Variants in ZNF497 observed in about 807,000 individuals in gnomAD.
ZNF497 encodes zinc finger-like protein.
For missense variants in ZNF497, 930 were observed against 714.0 expected, an observed-to-expected ratio of 1.30 and a Z score of -3.45; for synonymous variants, 422 against 313.7, an observed-to-expected ratio of 1.35 and a Z score of -3.65.
intron 1 of ZNF497, 47 bp from the exon 2 acceptor site, chr19:58,358,632 A>G: frequency 1.0e-6 from 1 of 993,084 alleles, no homozygotes; most frequent in Non-Finnish European, 1.3e-6. Context: ...TCAGCCTAGC[A>G]GATCTGAGAA....
intron 2 of ZNF497, chr19:58,357,945 C>T: frequency 7.6e-7 from 1 of 1,320,062 alleles, no homozygotes; most frequent in Non-Finnish European, 9.7e-7. Context: ...CAAAGTTGCC[C>T]ACGCACCTGC....
Position 58,357,023 on chromosome 19 carries a change from G to A in ZNF497, c.613C>T (p.Leu205=). The change falls in exon 3 of 3, where the codon CTG becomes TTG. Residue 205 remains leucine, a synonymous_variant. Transcript: ENST00000311044. ...GTGTGCGTGCGTCGGTGCTGCACCA[G>A]CGTGGTGCTTCGGCCGAAGGACTTG... ...CGKSFGRSTT[L]VQHRRTHTGE... The A allele has an allele frequency of 6.2e-7, 1 of 1,609,866 alleles. No individual in the cohort carries two copies. Among genetic ancestry groups the A allele is most frequent in the Non-Finnish European group, 8.5e-7 (1 of 1,179,114 alleles).
Position 58,355,696 on chromosome 19 carries a change from T to G in ZNF497, c.*443A>C, listed in dbSNP as rs2052009462. 6.2e-6 allele frequency: 1 copy of G among 162,516 alleles called. No individual in the cohort carries two copies. Among genetic ancestry groups the G allele is most frequent in the African/African-American group, 2.4e-5 (1 of 41,752 alleles). 10.1% of individuals were successfully genotyped at this position (162,516 alleles called of 1,614,324 possible). ...TCACCTGTGGTTGCCTGAGATGAAG[T>G]GCTGACTGAAGCGAGCACCTTAGGA... On this transcript the variant is annotated 3_prime_UTR_variant, in exon 3 of 3. Transcript: ENST00000311044.
At position 58,356,986 on chromosome 19, in the gene ZNF497, G is replaced by C; in HGVS notation, c.650C>G (p.Pro217Arg). 1 of 1,608,652 alleles carries C rather than the reference G, an allele frequency of 6.2e-7. No homozygotes were observed. Among genetic ancestry groups the C allele is most frequent in the South Asian group, 1.1e-5 (1 of 90,832 alleles). Reference protein sequence around the residue: ...QHRRTHTGEKPYECPECGKAF... With the variant: ...QHRRTHTGEKRYECPECGKAF... ...CTTGCCGCACTCCGGGCACTCGTAG[G>C]GCTTCTCGCCCGTGTGCGTGCGTCG... The change falls in exon 3 of 3, where the codon CCC becomes CGC. Residue 217 changes from proline to arginine, a missense_variant. By Grantham distance (103) the Pro-to-Arg change is moderately radical. Coordinates refer to ENST00000311044, the MANE Select transcript of ZNF497 (RefSeq NM_198458.3).
rs556449723 is a variant in ZNF497, at chr19:58,356,403, C to T, written c.1233G>A (p.Glu411=). The change falls in exon 3 of 3, where the codon GAG becomes GAA. Residue 411 remains glutamate (E), a synonymous_variant. Coordinates refer to ENST00000311044, the MANE Select transcript of ZNF497 (RefSeq NM_198458.3). ...CGCATTCTGCGCAGGCGAAGGGTCG[C>T]TCTCCCGTGTGCGAAAGCCGGTGGT... The part of the protein sequence containing the change: ...LAHHRLSHTG[E]RPFACAECGK... 11 of 1,565,636 alleles carry T rather than the reference C, an allele frequency of 7.0e-6. No individual in the cohort carries two copies. The highest frequency in any genetic ancestry group is 8.6e-6 in the Non-Finnish European group (10 of 1,160,224).
chr19:58,357,460 G>T lies in ZNF497; in HGVS notation c.176C>A (p.Ala59Asp). ...CTGTTCGTCCGCCGCCCCCAGTGTG[G>T]CTTGCTGCCGCTGGCCGTCCCCTGC... ...REAGDGQRQQ[A>D]TLGAADEQGG... is the part of the protein sequence containing the mutation. Residue 59 changes from alanine (A) to aspartate (D), a missense_variant, in exon 3 of 3, where the codon GCC becomes GAC. Ala to Asp is a moderately radical substitution (Grantham distance 126). Coordinates refer to ENST00000311044, the MANE Select transcript of ZNF497 (RefSeq NM_198458.3). The T allele has an allele frequency of 1.3e-6, 2 of 1,595,518 alleles. No homozygotes were observed. Among genetic ancestry groups the T allele is most frequent in the Non-Finnish European group, 1.7e-6 (2 of 1,171,530 alleles).
At chr19:58,360,215 G>GTGATATATTGTGCAA (rs1183524267) in intron 1 of ZNF497, among the ~76,000 whole-genome samples, 1 of 152,092 alleles carries the variant, frequency 6.6e-6, no homozygotes, top group Non-Finnish European at 1.5e-5. Context: ...AAATATTCTG[G>GTGATATATTGTGCAA]AATTAGTGGT....
In ZNF497 at chr19:58,357,456, T is replaced by G. The variant is rs1478395197; in HGVS notation, c.180A>C (p.Thr60=). The part of the protein sequence containing the change: ...EAGDGQRQQA[T]LGAADEQGGP... The stretch of plus-strand genomic sequence containing the variant: ...CTCCCTGTTCGTCCGCCGCCCCCAG[T>G]GTGGCTTGCTGCCGCTGGCCGTCCC... Residue 60 remains threonine, a synonymous_variant, in exon 3 of 3, where the codon ACA becomes ACC. Coordinates refer to ENST00000311044, the MANE Select transcript of ZNF497 (RefSeq NM_198458.3). 8.1e-6 allele frequency: 13 copies of G among 1,596,708 alleles called. No individual in the cohort carries two copies. Among genetic ancestry groups the G allele is most frequent in the Non-Finnish European group, 1.0e-5 (12 of 1,172,074 alleles).
chr19:58,362,417 G>T (rs1381367417), intron 1 of ZNF497, among the ~76,000 whole-genome samples: 1 of 152,246 alleles, frequency 6.6e-6, no homozygotes, highest in Non-Finnish European at 1.5e-5. Context: ...CAGGAGGAAC[G>T]ATGCCACAGA....
Position 58,356,302 on chromosome 19 carries a change from G to A in ZNF497, c.1334C>T (p.Ala445Val). Residue 445 changes from alanine (A) to valine (V), a missense_variant, in exon 3 of 3, where the codon GCC becomes GTC. Physicochemically the swap from Ala to Val is moderately conservative, Grantham distance 64. Coordinates refer to ENST00000311044, the MANE Select transcript of ZNF497 (RefSeq NM_198458.3). ...LHSGERPFVCAHCSKAFVRKS... is the reference protein window; with the variant it reads ...LHSGERPFVCVHCSKAFVRKS... ...GCGCACGAAGGCCTTGCTGCAGTGG[G>A]CGCAGACGAACGGCCTCTCGCCAGA... 1 of 1,588,292 alleles carries A rather than the reference G, an allele frequency of 6.3e-7. No homozygotes were observed. The highest frequency in any genetic ancestry group is 8.6e-7 in the Non-Finnish European group (1 of 1,168,832).
rs2052018048 is a variant in ZNF497 at position 58,356,316 on chromosome 19, C to T, written c.1320G>A (p.Arg440=). ...RQHQRLHSGE[R]PFVCAHCSKA... ...TGCTGCAGTGGGCGCAGACGAACGG[C>T]CTCTCGCCAGAGTGCAGGCGCTGGT... is the stretch of plus-strand genomic sequence containing the variant. The change falls in exon 3 of 3, where the codon AGG becomes AGA. Residue 440 remains arginine (R), a synonymous_variant. Coordinates refer to ENST00000311044, the MANE Select transcript of ZNF497 (RefSeq NM_198458.3). 6.3e-7 allele frequency: 1 copy of T among 1,579,540 alleles called. No individual in the cohort carries two copies. The highest frequency in any genetic ancestry group is 8.6e-7 in the Non-Finnish European group (1 of 1,164,564).
chr19:58,357,923 C>T, intron 2 of ZNF497: 2 of 1,355,694 alleles, frequency 1.5e-6, no homozygotes, highest in South Asian at 1.7e-5. Flanking sequence ...GCGCCAGCAT[C>T]GCAGAAGGAC....
intron 1 of ZNF497, among the ~76,000 whole-genome samples, chr19:58,360,855 C>T (rs1417327327): frequency 7.3e-6 from 1 of 136,340 alleles, no homozygotes; most frequent in Non-Finnish European, 1.5e-5. Flanking sequence ...TATCCTGGCT[C>T]ACTGCAAGCT....
At chr19:58,357,925 C>A (rs1193166901) in intron 2 of ZNF497, 1 of 1,353,782 alleles carries the variant, frequency 7.4e-7, no homozygotes, top group Non-Finnish European at 9.5e-7. Context: ...GCCAGCATCG[C>A]AGAAGGACTC....
intron 2 of ZNF497, 199 bp from the exon 3 acceptor site, chr19:58,357,848 G>T: frequency 7.8e-7 from 1 of 1,284,448 alleles, no homozygotes. Context: ...CCAGCACTCT[G>T]GGCCTGCCTG....
At position 58,357,426 on chromosome 19, in the gene ZNF497, G is replaced by A. The variant is rs1412689029; in HGVS notation, c.210C>T (p.Pro70=). 12 of 1,599,800 alleles carry A rather than the reference G, an allele frequency of 7.5e-6. No individual in the cohort carries two copies. The highest frequency in any genetic ancestry group is 6.7e-5 in the South Asian group (6 of 89,916). Residue 70 remains proline (P), a synonymous_variant, in exon 3 of 3, where the codon CCC becomes CCT. Coordinates refer to ENST00000311044, the MANE Select transcript of ZNF497 (RefSeq NM_198458.3). ...TLGAADEQGG[P]GRELGPADGG... is the part of the protein sequence containing the mutation. ...CGTCTGCGGGGCCCAGCTCCCTGCC[G>A]GGGCCTCCCTGTTCGTCCGCCGCCC...
Position 58,356,188 on chromosome 19 carries a change from C to T in ZNF497, c.1448G>A (p.Cys483Tyr). ...CCGCTTCTGGTGCTCGTTGAGGTTG[C>T]AACGGTGGCTGAAAGGCTTCCCGCA... ...GECGKPFSHR[C>Y]NLNEHQKRHG... Residue 483 changes from cysteine to tyrosine, a missense_variant, in exon 3 of 3, where the codon TGC (cysteine) becomes TAC (tyrosine). Cys to Tyr is a radical substitution (Grantham distance 194, BLOSUM62 -2). Transcript: ENST00000311044. 6.3e-7 allele frequency: 1 copy of T among 1,593,534 alleles called. No individual in the cohort carries two copies. Among genetic ancestry groups the T allele is most frequent in the Non-Finnish European group, 8.6e-7 (1 of 1,168,212 alleles).
At position 58,356,271 on chromosome 19, in the gene ZNF497, C is replaced by G; in HGVS notation, c.1365G>C (p.Ser455=). The G allele has an allele frequency of 6.3e-7, 1 of 1,581,246 alleles. No individual in the cohort carries two copies. The highest frequency in any genetic ancestry group is 8.6e-7 in the Non-Finnish European group (1 of 1,165,844). The change falls in exon 3 of 3, where the codon TCG becomes TCC. Residue 455 remains serine (S), a synonymous_variant. Transcript: ENST00000311044. ...GCGTGCGCCGGTGGCTTAAGAGCTCCGACTTGCGCACGAAGGCCTTGCTGC... is the reference window on the plus strand; with the variant it reads ...GCGTGCGCCGGTGGCTTAAGAGCTCGGACTTGCGCACGAAGGCCTTGCTGC... ...AHCSKAFVRK[S]ELLSHRRTHT... is the part of the protein sequence containing the mutation.
At chr19:58,360,567 C>T (rs2052080182) in intron 1 of ZNF497, among the ~76,000 whole-genome samples, 1 of 151,756 alleles carries the variant, frequency 6.6e-6, no homozygotes, top group Non-Finnish European at 1.5e-5. Context: ...TTCGCTCTTT[C>T]ACCCAGGCTG....
Sources: gnomAD v4.1 joint callset for allele counts (sites outside exome capture counted in the v4.1 genomes callset) on GRCh38, gnomAD v4.1.1 for gene constraint, MANE v1.5 for transcripts, NCBI Gene and HGNC (gene_info 2026-07-23, HGNC 2026-07-21) for gene names.